Variants in DNAH11 observed in about 807,000 individuals in gnomAD.
DNAH11 encodes the protein dynein axonemal heavy chain 11, also known as axonemal beta dynein heavy chain 11.
In DNAH11, 442 loss-of-function variants were observed where a neutral mutation model predicts 526.0. That is an observed-to-expected ratio of 0.84 (90% CI 0.78 to 0.91). DNAH11 has a LOEUF of 0.91. Ranked by LOEUF, DNAH11 falls within the 40% of genes least tolerant of loss-of-function variation. DNAH11 has a pLI of 0.00. For missense variants in DNAH11, 6,989 were observed against 5,448.7 expected, an observed-to-expected ratio of 1.28 and a Z score of -8.90; for synonymous variants, 2,461 against 1,935.9, an observed-to-expected ratio of 1.27 and a Z score of -7.12.
chr7:21,668,863 G>C (rs1301383663), intron 30 of DNAH11, among the ~76,000 whole-genome samples: 1 of 152,128 alleles, frequency 6.6e-6, no homozygotes, highest in African/African-American at 2.4e-5. Context: ...AAGTGAAATT[G>C]CTGGATCACA....
intron 61 of DNAH11, among the ~76,000 whole-genome samples, chr7:21,800,393 A>G (rs1353862141): frequency 6.6e-6 from 1 of 152,184 alleles, no homozygotes; most frequent in Non-Finnish European, 1.5e-5. Flanking sequence ...GCACTTGGGG[A>G]GGCCAAGGTG....
intron 58 of DNAH11, among the ~76,000 whole-genome samples, chr7:21,786,162 T>C (rs1334028042): frequency 6.6e-6 from 1 of 151,210 alleles, no homozygotes; most frequent in Non-Finnish European, 1.5e-5. Context: ...GGAAGATATT[T>C]CTTTCTTGTA....
In DNAH11 at chr7:21,601,377, G is replaced by A. The variant is rs1241098639; in HGVS notation, c.3426-19G>A. ...ATAAACTTAATTTGTGTGTATCTAT[G>A]TACATATATATTTAATAGTCTGAAT... On this transcript the variant is annotated intron_variant, in intron 17 of 81. Coordinates refer to ENST00000409508, the MANE Select transcript of DNAH11 (RefSeq NM_001277115.2). 5.6e-6 allele frequency: 9 copies of A among 1,596,068 alleles called. No homozygotes were observed. Among genetic ancestry groups the A allele is most frequent in the Non-Finnish European group, 7.7e-6 (9 of 1,168,706 alleles).
At chr7:21,552,862 G>GGT (rs1374953092) in intron 2 of DNAH11, among the ~76,000 whole-genome samples, 1 of 151,984 alleles carries the variant, frequency 6.6e-6, no homozygotes, top group Non-Finnish European at 1.5e-5. Context: ...TACTGAGGAG[G>GGT]GTGTAGGGGT....
At chr7:21,848,446 T>C (rs1040396072) in intron 66 of DNAH11, among the ~76,000 whole-genome samples, 3 of 152,140 alleles carry the variant, frequency 2.0e-5, no homozygotes, top group East Asian at 3.9e-4. Flanking sequence ...TTTAAAGAGA[T>C]TGTTGCTATA....
At chr7:21,826,654 T>A (rs969413490) in intron 65 of DNAH11, among the ~76,000 whole-genome samples, 3 of 152,168 alleles carry the variant, frequency 2.0e-5, no homozygotes, top group African/African-American at 7.2e-5. Context: ...ACAAACATTT[T>A]CCTTGGTATT....
chr7:21,616,533 A>G (rs1002374989), intron 22 of DNAH11, among the ~76,000 whole-genome samples: 1 of 152,176 alleles, frequency 6.6e-6, no homozygotes, highest in African/African-American at 2.4e-5. Context: ...TACTCTAATT[A>G]TGAGCTTCCT....
intron 14 of DNAH11, among the ~76,000 whole-genome samples, chr7:21,595,539 C>T (rs755960663): frequency 8.5e-5 from 13 of 152,122 alleles, no homozygotes; most frequent in Non-Finnish European, 1.6e-4. Flanking sequence ...GATTATTCTA[C>T]ACATTTTGTC....
chr7:21,850,888 A>T (rs189130888), intron 66 of DNAH11, among the ~76,000 whole-genome samples: 3 of 152,286 alleles, frequency 2.0e-5, no homozygotes, highest in Admixed American at 2.0e-4. Flanking sequence ...TCTCAGTTAT[A>T]ATCCACTGAT....
At chr7:21,852,663 T>C (rs998832224) in intron 67 of DNAH11, 32 bp downstream of exon 67, 31 of 1,540,226 alleles carry the variant, frequency 2.0e-5, no homozygotes, top group East Asian at 4.5e-5. Context: ...TGGCAGATTC[T>C]AATGCTCTGT....
chr7:21,742,645 C>A (rs17354984), intron 49 of DNAH11, among the ~76,000 whole-genome samples: 1 of 152,150 alleles, frequency 6.6e-6, no homozygotes, highest in Non-Finnish European at 1.5e-5. Flanking sequence ...CAAACCATTA[C>A]CATACTGTTA....
intron 77 of DNAH11, among the ~76,000 whole-genome samples, chr7:21,894,021 T>A (rs533555672): frequency 2.6e-5 from 4 of 152,200 alleles, no homozygotes; most frequent in African/African-American, 4.8e-5. Context: ...CCCAAATAGC[T>A]GGGATTACAG....
Position 21,886,254 on chromosome 7 carries a change from T to TCTA in DNAH11, c.12507+1844_12507+1845insCTA, listed in dbSNP as rs1384871036. ...AATCATATCAGTCTAATATTTAGTG[T>TCTA]ATATTAGATTAAATCACTAAAATCA... On this transcript the variant is annotated intron_variant, in intron 76 of 81. Coordinates refer to ENST00000409508, the MANE Select transcript of DNAH11 (RefSeq NM_001277115.2). 9.8e-5 allele frequency among the ~76,000 whole-genome samples: 15 copies of TCTA among 152,340 alleles called. No homozygotes were observed. In the East Asian group the frequency reaches 2.5e-3, roughly 25 times the overall value.
At position 21,619,216 on chromosome 7, in the gene DNAH11, T is replaced by A. The variant is rs1386066747; in HGVS notation, c.4371T>A (p.Thr1457=). The part of the protein sequence containing the change: ...IVDKAVKELG[T]EKVITEISQT... ...ACAAGGCGGTGAAAGAGCTGGGGAC[T>A]GAGAAGGTAGTGTCCTCGGGACTGG... Residue 1457 remains threonine, a synonymous_variant, in exon 24 of 82, where the codon ACT becomes ACA. Coordinates refer to ENST00000409508, the MANE Select transcript of DNAH11 (RefSeq NM_001277115.2). The A allele has an allele frequency of 6.2e-7, 1 of 1,612,756 alleles. No homozygotes were observed. Among genetic ancestry groups the A allele is most frequent in the East Asian group, 2.2e-5 (1 of 44,848 alleles).
At chr7:21,763,350 A>AAAAAAAAAAAAAAAAG (rs1562531776) in intron 54 of DNAH11, among the ~76,000 whole-genome samples, 2 of 69,088 alleles carry the variant, frequency 2.9e-5, no homozygotes, top group Non-Finnish European at 7.2e-5. Context: ...AAAAAAAAAA[A>AAAAAAAAAAAAAAAAG]AAAAAAGAAA....
rs114191278 is a variant in DNAH11 at position 21,613,259 on chromosome 7, A to G, written c.3853-1855A>G. The stretch of plus-strand genomic sequence containing the variant: ...GCATTTCACAAACATAAATTTTAAC[A>G]TTTAGCGCTTAGCAATACATTAATG... On this transcript the variant is annotated intron_variant, in intron 20 of 81. Coordinates refer to ENST00000409508, the MANE Select transcript of DNAH11 (RefSeq NM_001277115.2). Among the ~76,000 whole-genome samples, 429 of 152,308 alleles carry G rather than the reference A, an allele frequency of 2.8e-3. 1 individual carries two copies. The highest frequency in any genetic ancestry group is 0.01 in the African/African-American group (416 of 41,566).
intron 34 of DNAH11, 128 bp downstream of exon 34, chr7:21,687,655 AT>A: frequency 1.7e-6 from 2 of 1,168,022 alleles, no homozygotes; most frequent in South Asian, 3.4e-5. Flanking sequence ...ATTCTGGTCG[AT>A]TTGGGGGAAT....
intron 52 of DNAH11, 103 bp downstream of exon 52, chr7:21,748,845 G>A: frequency 7.8e-7 from 1 of 1,273,948 alleles, no homozygotes; most frequent in Non-Finnish European, 1.0e-6. Flanking sequence ...ATTTGGCCAA[G>A]GCCTCCCCAA....
At chr7:21,878,708 G>C (rs1224488694) in intron 74 of DNAH11, among the ~76,000 whole-genome samples, 1 of 152,102 alleles carries the variant, frequency 6.6e-6, no homozygotes, top group Non-Finnish European at 1.5e-5. Context: ...GGGAGCCCTG[G>C]ATTCTGCTAA....
Sources: allele counts gnomAD v4.1 joint callset (sites outside exome capture counted in the v4.1 genomes callset), GRCh38; gene constraint gnomAD v4.1.1; transcripts MANE v1.5; gene names NCBI Gene and HGNC (gene_info 2026-07-23, HGNC 2026-07-21).